Variants in ZYG11B observed in about 807,000 individuals in gnomAD.
ZYG11B encodes the protein zyg-11 family member B, cell cycle regulator, also known as protein zyg-11 homolog B.
In ZYG11B, 36 loss-of-function variants were observed where a neutral mutation model predicts 82.4. The observed-to-expected ratio is 0.44, with a 90% CI of 0.33 to 0.58. The LOEUF (loss-of-function observed/expected upper bound fraction) is 0.58. Among genes scored for constraint, ZYG11B ranks in the 20% least tolerant of loss-of-function variants. ZYG11B has a pLI of 0.02. For synonymous variants in ZYG11B, 303 were observed against 312.8 expected (o/e 0.97, Z 0.33); for missense variants, 552 against 895.6 (o/e 0.62, Z 4.90).
chr1:52,774,779 G>T (rs1003117427), intron 3 of ZYG11B, among the ~76,000 whole-genome samples: 3 of 151,738 alleles, frequency 2.0e-5, no homozygotes, highest in African/African-American at 7.3e-5. Context: ...TTCCCCACTC[G>T]ATTTTCTCTT....
intron 1 of ZYG11B, among the ~76,000 whole-genome samples, chr1:52,736,066 C>G (rs1331544152): frequency 6.6e-6 from 1 of 152,086 alleles, no homozygotes; most frequent in East Asian, 1.9e-4. Flanking sequence ...AATTTGTGAA[C>G]TCCTTAAGAT....
intron 3 of ZYG11B, chr1:52,772,280 G>A (rs1644759486): frequency 3.8e-6 from 5 of 1,318,962 alleles, no homozygotes; most frequent in East Asian, 2.3e-5. Flanking sequence ...TGAGCCAAAC[G>A]GTGAATCTGG....
At chr1:52,751,209 G>A (rs749294366) in intron 1 of ZYG11B, among the ~76,000 whole-genome samples, 2 of 151,630 alleles carry the variant, frequency 1.3e-5, no homozygotes, top group Non-Finnish European at 2.9e-5. Flanking sequence ...CGAACTTCTG[G>A]GCCCAAGTGA....
chr1:52,813,160 A>G (rs1323987618), intron 10 of ZYG11B, among the ~76,000 whole-genome samples: 1 of 152,116 alleles, frequency 6.6e-6, no homozygotes, highest in Admixed American at 6.6e-5. Context: ...TTCATATACT[A>G]CTTTCTGGTA....
chr1:52,816,645 A>G lies in ZYG11B; in HGVS notation c.2044+16A>G. On this transcript the variant is annotated intron_variant, in intron 13 of 13. Transcript: ENST00000294353. ...AGCAAGAATCGTATGTACCAAAAAAAAAGAACTGTGTTTTTTTTCTTTAAG... is the reference window on the plus strand; with the variant it reads ...AGCAAGAATCGTATGTACCAAAAAAGAAGAACTGTGTTTTTTTTCTTTAAG... The G allele has an allele frequency of 6.4e-7, 1 of 1,568,008 alleles. No homozygotes were observed. The highest frequency in any genetic ancestry group is 1.2e-5 in the South Asian group (1 of 85,522).
chr1:52,754,919 A>G (rs540490256), intron 1 of ZYG11B, among the ~76,000 whole-genome samples: 50 of 147,402 alleles, frequency 3.4e-4, no homozygotes, highest in African/African-American at 1.1e-3. Flanking sequence ...TTGTATGTTG[A>G]TGTCCAGTGG....
intron 10 of ZYG11B, among the ~76,000 whole-genome samples, chr1:52,802,360 TTTTTTG>T (rs1645082860): frequency 6.9e-6 from 1 of 144,864 alleles, no homozygotes; most frequent in African/African-American, 2.6e-5. Context: ...TTTTTTTTTT[TTTTTTG>T]AGACAGGGTC....
chr1:52,755,795 A>G (rs776842049), intron 1 of ZYG11B, among the ~76,000 whole-genome samples: 3 of 151,388 alleles, frequency 2.0e-5, no homozygotes, highest in South Asian at 4.2e-4. Flanking sequence ...GTGAGCCACC[A>G]CACCCGGCTT....
rs1388073935 is a variant in ZYG11B, at chr1:52,823,353, A to T, written c.*1724A>T. The T allele has an allele frequency of 1.3e-5, 2 of 151,952 alleles. No homozygotes were observed. Among genetic ancestry groups the T allele is most frequent in the African/African-American group, 4.8e-5 (2 of 41,368 alleles). The allele number at this position is 151,952 out of a possible 1,614,324, so 9.4% of individuals were successfully genotyped here. The stretch of plus-strand genomic sequence containing the variant: ...GTGGTGGCACCTGGGAAACAGAGCG[A>T]GACGCTGACTCAAATAAATATCTAA... On this transcript the variant is annotated 3_prime_UTR_variant, in exon 14 of 14. Transcript: ENST00000294353.
chr1:52,818,538 A>G (rs762951484), intron 13 of ZYG11B, among the ~76,000 whole-genome samples: 8 of 152,038 alleles, frequency 5.3e-5, no homozygotes, highest in Non-Finnish European at 1.0e-4. Flanking sequence ...TAGGCCATGC[A>G]TAGGGATTTT....
intron 6 of ZYG11B, among the ~76,000 whole-genome samples, chr1:52,791,375 AT>A (rs949295967): frequency 6.7e-5 from 10 of 148,424 alleles, no homozygotes; most frequent in African/African-American, 2.2e-4. Flanking sequence ...ATTTTATTTT[AT>A]TTTTTTTTTG....
chr1:52,777,079 G>A (rs1644816600), intron 3 of ZYG11B, among the ~76,000 whole-genome samples: 1 of 151,738 alleles, frequency 6.6e-6, no homozygotes, highest in African/African-American at 2.4e-5. Context: ...GCGTGGTGGC[G>A]GGCGCCTGTA....
rs1644762223 is a variant in ZYG11B at position 52,772,596 on chromosome 1, T to C, written c.951+822T>C. ...CAACCAAGTGGGGAAGCTGCGTCGATAGGGTAAAGCCGACTGGGACAGGCC... is the reference window on the plus strand; with the variant it reads ...CAACCAAGTGGGGAAGCTGCGTCGACAGGGTAAAGCCGACTGGGACAGGCC... On this transcript the variant is annotated intron_variant, in intron 3 of 13. Coordinates refer to ENST00000294353, the MANE Select transcript of ZYG11B (RefSeq NM_024646.3). The C allele has an allele frequency of 2.1e-5, 30 of 1,451,498 alleles. No individual in the cohort carries two copies. The South Asian group carries it at 3.1e-4, about 15-fold the overall frequency. The allele number at this position is 1,451,498 out of a possible 1,614,324, so 89.9% of individuals were successfully genotyped here.
In ZYG11B at chr1:52,818,187, T is replaced by C. The variant is rs1204304860; in HGVS notation, c.2044+1558T>C. On this transcript the variant is annotated intron_variant, in intron 13 of 13. Coordinates refer to ENST00000294353, the MANE Select transcript of ZYG11B (RefSeq NM_024646.3). ...AGGAAAAATAATTTTTCAAAAATTA[T>C]AGGGGCCGGGCATAATGGCTCATCC... 1.6e-4 allele frequency among the ~76,000 whole-genome samples: 24 copies of C among 152,108 alleles called. No individual in the cohort carries two copies. In the East Asian group the frequency reaches 4.1e-3, roughly 26 times the overall value.
intron 13 of ZYG11B, among the ~76,000 whole-genome samples, chr1:52,817,817 T>TGTA (rs1558145372): frequency 2.3e-4 from 2 of 8,570 alleles, no homozygotes; most frequent in Non-Finnish European, 5.8e-4. Flanking sequence ...ATATATATAT[T>TGTA]TTTTTTTTTT....
At chr1:52,775,897 G>T (rs1165440130) in intron 3 of ZYG11B, among the ~76,000 whole-genome samples, 2 of 151,824 alleles carry the variant, frequency 1.3e-5, no homozygotes, top group African/African-American at 4.8e-5. Flanking sequence ...TCACTGGGTA[G>T]AGAAGTGTTG....
chr1:52,813,806 A>G lies in ZYG11B; in HGVS notation c.1894-54A>G. On this transcript the variant is annotated intron_variant, in intron 11 of 13. Transcript: ENST00000294353. ...TCAAAGCCTCATAATGTAGTAAATA[A>G]TGCAGTGCTAAATAAATATTGTAAT... The G allele has an allele frequency of 5.6e-6, 9 of 1,613,306 alleles. No individual in the cohort carries two copies. In the South Asian group the frequency reaches 7.7e-5, roughly 14 times the overall value.
At chr1:52,737,285 C>T (rs1644385630) in intron 1 of ZYG11B, among the ~76,000 whole-genome samples, 1 of 152,148 alleles carries the variant, frequency 6.6e-6, no homozygotes, top group Non-Finnish European at 1.5e-5. Flanking sequence ...TTTCTGTATG[C>T]CTCTCCTGTA....
chr1:52,793,335 G>A (rs1167770953), intron 6 of ZYG11B, among the ~76,000 whole-genome samples: 4 of 151,640 alleles, frequency 2.6e-5, no homozygotes, highest in Non-Finnish European at 5.9e-5. Flanking sequence ...ATGGTGAAAC[G>A]CTGTCTCTAC....
Sources: allele counts gnomAD v4.1 joint callset (sites outside exome capture counted in the v4.1 genomes callset), GRCh38; gene constraint gnomAD v4.1.1; transcripts MANE v1.5; gene names NCBI Gene and HGNC (gene_info 2026-07-23, HGNC 2026-07-21).